The following TPH2 variants were observed in gnomAD, a reference collection of about 807,000 sequenced individuals.
The protein encoded by TPH2 is tryptophan 5-hydroxylase 2.
TPH2 carries 27 observed loss-of-function variants against 59.1 expected under a neutral mutation model. The ratio of observed to expected loss-of-function variants is 0.46; its 90% CI spans 0.34 to 0.63. The LOEUF is 0.63. TPH2 is among the 30% of genes least tolerant of loss of function. The pLI is 0.01. For synonymous variants in TPH2, 220 were observed against 210.5 expected (o/e 1.05, Z -0.39); for missense variants, 523 against 588.3 (o/e 0.89, Z 1.15).
At chr12:72,004,629 G>T (rs571219282) in intron 8 of TPH2, among the ~76,000 whole-genome samples, 3 of 152,232 alleles carry the variant, frequency 2.0e-5, no homozygotes, top group South Asian at 2.1e-4. Flanking sequence ...TAAAAGAAAG[G>T]GTTTTCTGGT....
At chr12:71,976,415 A>G (rs1269382238) in intron 6 of TPH2, among the ~76,000 whole-genome samples, 2 of 152,176 alleles carry the variant, frequency 1.3e-5, no homozygotes, top group Non-Finnish European at 2.9e-5. Flanking sequence ...TAAAATACCT[A>G]ATTTATTTAA....
intron 8 of TPH2, among the ~76,000 whole-genome samples, chr12:72,007,893 C>A (rs112898238): frequency 6.6e-6 from 1 of 152,134 alleles, no homozygotes; most frequent in Non-Finnish European, 1.5e-5. Flanking sequence ...AAGGCACACT[C>A]TTATTGTATT....
At chr12:72,013,466 C>G (rs1873154639) in intron 8 of TPH2, among the ~76,000 whole-genome samples, 1 of 152,156 alleles carries the variant, frequency 6.6e-6, no homozygotes, top group South Asian at 2.1e-4. Flanking sequence ...TCACCCCCAT[C>G]CCTCCCAATA....
At chr12:72,023,282 T>C (rs1280220740) in intron 9 of TPH2, among the ~76,000 whole-genome samples, 4 of 152,258 alleles carry the variant, frequency 2.6e-5, no homozygotes, top group African/African-American at 9.6e-5. Context: ...GTCAGGATTG[T>C]GGACCATTCT....
intron 7 of TPH2, among the ~76,000 whole-genome samples, chr12:71,981,750 G>T (rs1018923901): frequency 4.6e-5 from 7 of 151,836 alleles, no homozygotes; most frequent in Non-Finnish European, 1.0e-4. Flanking sequence ...GGAAGAGGAG[G>T]ATTTGGGTTT....
chr12:71,944,150 C>A (rs1030552863), intron 2 of TPH2, 144 bp from the exon 3 acceptor site: 13 of 801,506 alleles, frequency 1.6e-5, no homozygotes, highest in Admixed American at 7.5e-5. Context: ...GGAAACATTT[C>A]CAAGTTTTAT....
Position 71,938,884 on chromosome 12 carries a change from A to G in TPH2, c.-103A>G. On this transcript the variant is annotated 5_prime_UTR_variant, in exon 1 of 11. Coordinates refer to ENST00000333850, the MANE Select transcript of TPH2 (RefSeq NM_173353.4). The stretch of plus-strand genomic sequence containing the variant: ...CACCAGGGTTCTGGACAGCGCCCCA[A>G]GCAGGCAGCTGATCGCACGCCCCTT... 1 of 979,092 alleles carries G rather than the reference A, an allele frequency of 1.0e-6. No homozygotes were observed. Among genetic ancestry groups the G allele is most frequent in the Non-Finnish European group, 1.6e-6 (1 of 611,936 alleles). The allele number at this position is 979,092 out of a possible 1,614,324, so 60.7% of individuals were successfully genotyped here.
At chr12:72,001,615 G>A (rs1292805808) in intron 8 of TPH2, among the ~76,000 whole-genome samples, 1 of 151,814 alleles carries the variant, frequency 6.6e-6, no homozygotes, top group Non-Finnish European at 1.5e-5. Flanking sequence ...ATGGAGTTTT[G>A]CCATGTTGGC....
intron 5 of TPH2, among the ~76,000 whole-genome samples, chr12:71,968,773 T>G (rs888694406): frequency 9.9e-5 from 15 of 151,730 alleles, no homozygotes; most frequent in African/African-American, 2.4e-5. Context: ...CTGGGGAGAG[T>G]GTGGTACAGG....
rs747778386 is a variant in TPH2, at chr12:71,979,138, A to G, written c.941+51A>G. The G allele has an allele frequency of 1.9e-6, 3 of 1,612,002 alleles. No individual in the cohort carries two copies. The East Asian group carries it at 6.7e-5, about 36-fold the overall frequency. On this transcript the variant is annotated intron_variant, in intron 7 of 10. Coordinates refer to ENST00000333850, the MANE Select transcript of TPH2 (RefSeq NM_173353.4). Reference sequence around the variant, plus strand: ...CCACCACACCATAAAGTGGTCAATGATCCCTTTACTTGAAAATGACTTAGG... The same window carrying G: ...CCACCACACCATAAAGTGGTCAATGGTCCCTTTACTTGAAAATGACTTAGG...
At chr12:71,944,252 A>G (rs767028903) in intron 2 of TPH2, 42 bp from the exon 3 acceptor site, 1 of 1,608,466 alleles carries the variant, frequency 6.2e-7, no homozygotes, top group Non-Finnish European at 8.5e-7. Context: ...CATTCCTTTT[A>G]TTGTCCCTGA....
chr12:72,032,108 C>T lies in TPH2; in HGVS notation c.*413C>T. Reference sequence around the variant, plus strand: ...AAGCTGTTTCCATTTTCAATAGTATCAGTGTTTTCACGCATTATTTGAGAT... The same window carrying T: ...AAGCTGTTTCCATTTTCAATAGTATTAGTGTTTTCACGCATTATTTGAGAT... On this transcript the variant is annotated 3_prime_UTR_variant, in exon 11 of 11. Transcript: ENST00000333850. The T allele has an allele frequency of 4.5e-6, 1 of 224,548 alleles. No homozygotes were observed. Among genetic ancestry groups the T allele is most frequent in the South Asian group, 7.1e-5 (1 of 14,110 alleles). 13.9% of individuals were successfully genotyped at this position (224,548 alleles called of 1,614,324 possible). A position where few individuals can be genotyped will look rare whatever the true frequency, so the allele number is the denominator to read the frequency against.
chr12:72,012,559 G>A (rs1220006053), intron 8 of TPH2, among the ~76,000 whole-genome samples: 1 of 152,194 alleles, frequency 6.6e-6, no homozygotes, highest in Non-Finnish European at 1.5e-5. Context: ...GGCCTTTTCT[G>A]CCACATAAAG....
intron 5 of TPH2, among the ~76,000 whole-genome samples, chr12:71,960,692 A>G (rs1871654347): frequency 6.6e-6 from 1 of 152,198 alleles, no homozygotes; most frequent in Non-Finnish European, 1.5e-5. Flanking sequence ...GAAAACATTA[A>G]CGCAATATGG....
chr12:71,949,521 T>C (rs1871286722), intron 4 of TPH2, 67 bp from the exon 5 acceptor site: 3 of 1,348,136 alleles, frequency 2.2e-6, no homozygotes, highest in East Asian at 2.3e-5. Flanking sequence ...ACAGTGATTT[T>C]CTTTTAGGTC....
chr12:71,988,467 A>G (rs1023990), intron 7 of TPH2, among the ~76,000 whole-genome samples: 39,085 of 152,066 alleles, frequency 0.26, 5,085 homozygotes, highest in East Asian at 0.36. Flanking sequence ...AGACAAAAAG[A>G]GAACACTTCA....
Position 71,944,494 on chromosome 12 carries a change from C to G in TPH2, c.439+17C>G. 1 of 1,613,918 alleles carries G rather than the reference C, an allele frequency of 6.2e-7. No homozygotes were observed. The highest frequency in any genetic ancestry group is 8.5e-7 in the Non-Finnish European group (1 of 1,179,846). ...AGGAAGAAGGCAAGGGTGGTCTTAG[C>G]TTGTCGGGTAACTTTGCAATCTGAC... On this transcript the variant is annotated intron_variant, in intron 3 of 10. Coordinates refer to ENST00000333850, the MANE Select transcript of TPH2 (RefSeq NM_173353.4).
intron 6 of TPH2, among the ~76,000 whole-genome samples, chr12:71,978,068 C>A (rs1317643871): frequency 6.6e-6 from 1 of 152,014 alleles, no homozygotes; most frequent in African/African-American, 2.4e-5. Context: ...GATTTGTAGC[C>A]TAGGAGTAGG....
rs187128929 is a variant in TPH2 at position 71,990,070 on chromosome 12, T to C, written c.942-4369T>C. On this transcript the variant is annotated intron_variant, in intron 7 of 10. Transcript: ENST00000333850. ...TGAAAAGGACTCTAAAAAGCATTAT[T>C]CAGGCAAAAATGTATCAAAGGGATG... is the stretch of plus-strand genomic sequence containing the variant. Among the ~76,000 whole-genome samples the C allele has an allele frequency of 2.7e-3, 410 of 152,200 alleles. 5 individuals carry two copies. Among genetic ancestry groups the C allele is most frequent in the South Asian group, 0.019 (93 of 4,820 alleles).
Sources: gnomAD v4.1 joint callset for allele counts (sites outside exome capture counted in the v4.1 genomes callset) on GRCh38, gnomAD v4.1.1 for gene constraint, MANE v1.5 for transcripts, NCBI Gene and HGNC (gene_info 2026-07-23, HGNC 2026-07-21) for gene names.